HSP90AB1: variants seen among roughly 807,000 people sequenced by gnomAD.
HSP90AB1 encodes the protein heat shock protein HSP 90-beta.
A neutral mutation model predicts 67.8 loss-of-function variants in HSP90AB1; 17 were observed. That is an observed-to-expected ratio of 0.25 (90% CI 0.17 to 0.38). The LOEUF is 0.38. HSP90AB1 is among the 10% of genes least tolerant of loss of function. The pLI is 1.00. For synonymous variants in HSP90AB1, 390 were observed against 312.9 expected (o/e 1.25, Z -2.60); for missense variants, 690 against 899.9 (o/e 0.77, Z 2.98).
chr6:44,252,079 G>A lies in HSP90AB1; in HGVS notation c.1543G>A (p.Glu515Lys), dbSNP rs371199616. 2.5e-6 allele frequency: 4 copies of A among 1,614,040 alleles called. No individual in the cohort carries two copies. The highest frequency in any genetic ancestry group is 1.1e-5 in the South Asian group (1 of 91,086). Reference protein sequence around the residue: ...KRGFEVVYMTEPIDEYCVQQL... With the variant: ...KRGFEVVYMTKPIDEYCVQQL... ...GGGCTTCGAGGTGGTATATATGACC[G>A]AGCCCATTGACGAGTACTGTGTGCA... Residue 515 changes from glutamate (E) to lysine (K), a missense_variant, in exon 10 of 12, where the codon GAG (glutamate) becomes AAG (lysine). Glu to Lys is a moderately conservative substitution (Grantham distance 56). Transcript: ENST00000371646.
intron 1 of HSP90AB1, 35 bp from the exon 2 acceptor site, chr6:44,248,595 G>A: frequency 1.3e-6 from 2 of 1,591,636 alleles, no homozygotes; most frequent in Non-Finnish European, 1.7e-6. Context: ...TGGGGCCTTA[G>A]TGTTCTTTTG....
At chr6:44,248,530 T>C in intron 1 of HSP90AB1, 100 bp from the exon 2 acceptor site, 1 of 1,105,058 alleles carries the variant, frequency 9.0e-7, no homozygotes, top group African/African-American at 1.6e-5. Context: ...TAAACCAGTC[T>C]GAACTCACTG....
chr6:44,249,832 A>G lies in HSP90AB1; in HGVS notation c.512A>G (p.His171Arg), dbSNP rs1780415654. ...GGTTCCTTCACTGTGCGTGCTGACCATGGTAAGTTAGCTTTTCTGTTACAA... is the reference window on the plus strand; with the variant it reads ...GGTTCCTTCACTGTGCGTGCTGACCGTGGTAAGTTAGCTTTTCTGTTACAA... Reference protein sequence around the residue: ...AGGSFTVRADHGEPIGRGTKV... With the variant: ...AGGSFTVRADRGEPIGRGTKV... The change falls in exon 4 of 12, where the codon CAT (histidine) becomes CGT (arginine). Residue 171 changes from histidine (H) to arginine (R), a missense_variant and splice_region_variant. By Grantham distance (29) the His-to-Arg change is conservative (BLOSUM62 0). This residue lies in a region of HSP90AB1 where 146 missense variants were observed against 143.7 expected (regional missense o/e 1.02). Transcript: ENST00000371646. 2 of 1,604,044 alleles carry G rather than the reference A, an allele frequency of 1.2e-6. No individual in the cohort carries two copies. Among genetic ancestry groups the G allele is most frequent in the African/African-American group, 1.3e-5 (1 of 74,442 alleles).
chr6:44,252,137 T>G lies in HSP90AB1; in HGVS notation c.1601T>G (p.Val534Gly). 2 of 1,614,124 alleles carry G rather than the reference T, an allele frequency of 1.2e-6. No individual in the cohort carries two copies. The highest frequency in any genetic ancestry group is 1.7e-6 in the Non-Finnish European group (2 of 1,180,018). Residue 534 changes from valine (V) to glycine (G), a missense_variant, in exon 10 of 12, where the codon GTC (valine) becomes GGC (glycine). Val to Gly is a moderately radical substitution (Grantham distance 109). Transcript: ENST00000371646. ...QLKEFDGKSLVSVTKEGLELP... is the reference protein window; with the variant it reads ...QLKEFDGKSLGSVTKEGLELP... ...AAGGAATTTGATGGGAAGAGCCTGGTCTCAGTTACCAAGGAGGGTCTGGAG... is the reference window on the plus strand; with the variant it reads ...AAGGAATTTGATGGGAAGAGCCTGGGCTCAGTTACCAAGGAGGGTCTGGAG...
rs761965164 is a variant in HSP90AB1, at chr6:44,252,027, A to G, written c.1491A>G (p.Ser497=). 4.3e-6 allele frequency: 7 copies of G among 1,614,050 alleles called. No homozygotes were observed. The highest frequency in any genetic ancestry group is 3.3e-5 in the Admixed American group (2 of 59,998). ...TGESKEQVAN[S]AFVERVRKRG... ...AGAGCAAAGAGCAGGTGGCCAACTC[A>G]GCTTTTGTGGAGCGAGTGCGGAAAC... Residue 497 remains serine, a synonymous_variant, in exon 10 of 12, where the codon TCA becomes TCG. Transcript: ENST00000371646.
chr6:44,251,328 A>G lies in HSP90AB1; in HGVS notation c.1124-90A>G, dbSNP rs35712480. ...CAATACATAGTAGGTGTAAGGGTTC[A>G]GGAGGCTATTAGAGCCTTCTGTTTG... On this transcript the variant is annotated intron_variant, in intron 7 of 11. Transcript: ENST00000371646. The G allele has an allele frequency of 5.8e-3, 8,814 of 1,526,152 alleles. 365 individuals carry two copies. In the African/African-American group the frequency reaches 0.096, roughly 17 times the overall value. 94.5% of individuals were successfully genotyped at this position (1,526,152 alleles called of 1,614,324 possible).
chr6:44,249,430 T>G lies in HSP90AB1; in HGVS notation c.201T>G (p.Ser67Arg), dbSNP rs777662526. ...ESLTDPSKLD[S>R]GKELKIDIIP... ...TGACAGACCCTTCGAAGTTGGACAG[T>G]GGTAAAGAGCTGAAAATTGACATCA... The change falls in exon 3 of 12, where the codon AGT (serine) becomes AGG (arginine). Residue 67 changes from serine to arginine, a missense_variant. Physicochemically the swap from Ser to Arg is moderately radical, Grantham distance 110. Around this residue, in one of 7 missense-constraint regions of HSP90AB1, gnomAD observed 88 missense variants for 167.7 expected, o/e 0.52. Coordinates refer to ENST00000371646, the MANE Select transcript of HSP90AB1 (RefSeq NM_007355.4). 2 of 1,613,920 alleles carry G rather than the reference T, an allele frequency of 1.2e-6. No homozygotes were observed. Among genetic ancestry groups the G allele is most frequent in the South Asian group, 2.2e-5 (2 of 91,074 alleles).
intron 6 of HSP90AB1, 131 bp downstream of exon 6, chr6:44,250,730 C>T (rs1048365435): frequency 2.3e-5 from 15 of 649,764 alleles, no homozygotes; most frequent in Non-Finnish European, 3.9e-5. Flanking sequence ...CATGTGATTT[C>T]ACTTACTGAT....
Position 44,249,598 on chromosome 6 carries a change from T to G in HSP90AB1, c.354+15T>G, listed in dbSNP as rs780853856. ...AGGCTCTTCAGGTATTGCAGTTCTG[T>G]AGGCATTCATACTTATCTGTGTTCT... On this transcript the variant is annotated intron_variant, in intron 3 of 11. Coordinates refer to ENST00000371646, the MANE Select transcript of HSP90AB1 (RefSeq NM_007355.4). 1 of 1,612,978 alleles carries G rather than the reference T, an allele frequency of 6.2e-7. No individual in the cohort carries two copies. Among genetic ancestry groups the G allele is most frequent in the Non-Finnish European group, 8.5e-7 (1 of 1,178,978 alleles).
At position 44,251,788 on chromosome 6, in the gene HSP90AB1, C is replaced by G; in HGVS notation, c.1366C>G (p.Arg456Gly). The change falls in exon 9 of 12, where the codon CGC (arginine) becomes GGC (glycine). Residue 456 changes from arginine to glycine, a missense_variant. Arg to Gly is a moderately radical substitution (Grantham distance 125). Transcript: ENST00000371646. ...TNRRRLSELL[R>G]YHTSQSGDEM... ...CCGCCGCCGCCTGTCTGAGCTGCTGCGCTATCATACCTCCCAGTCTGGAGA... is the reference window on the plus strand; with the variant it reads ...CCGCCGCCGCCTGTCTGAGCTGCTGGGCTATCATACCTCCCAGTCTGGAGA... The G allele has an allele frequency of 6.2e-7, 1 of 1,613,410 alleles. No homozygotes were observed. Among genetic ancestry groups the G allele is most frequent in the Non-Finnish European group, 8.5e-7 (1 of 1,180,024 alleles).
chr6:44,251,018 A>C (rs1780580218), intron 6 of HSP90AB1, 30 bp from the exon 7 acceptor site: 2 of 1,606,682 alleles, frequency 1.2e-6, no homozygotes, highest in Admixed American at 1.7e-5. Flanking sequence ...CCTCTTTTGA[A>C]ATGTACCACT....
At position 44,252,249 on chromosome 6, in the gene HSP90AB1, A is replaced by C; in HGVS notation, c.1713A>C (p.Leu571Phe). ...ENLCKLMKEI[L>F]DKKVEKVTIS... is the part of the protein sequence containing the mutation. ...TCTGCAAGCTCATGAAAGAAATCTT[A>C]GATAAGAAGGTTGAGAAGGTAAGCC... The change falls in exon 10 of 12, where the codon TTA becomes TTC. Residue 571 changes from leucine to phenylalanine, a missense_variant. Around this residue, in one of 7 missense-constraint regions of HSP90AB1, gnomAD observed 206 missense variants for 221.4 expected, o/e 0.93. Transcript: ENST00000371646. The C allele has an allele frequency of 6.2e-7, 1 of 1,613,878 alleles. No homozygotes were observed. The highest frequency in any genetic ancestry group is 8.5e-7 in the Non-Finnish European group (1 of 1,179,986).
rs779762146 is a variant in HSP90AB1 at position 44,251,164 on chromosome 6, CCGT to C, written c.1075_1077del (p.Arg359del). On this transcript the variant is annotated inframe_deletion, in exon 7 of 12. Transcript: ENST00000371646. ...AGAACAACATCAAACTCTATGTCCGCCGTGTGTTCATCATGGACAGCTGTGATG... is the reference window on the plus strand; with the variant it reads ...AGAACAACATCAAACTCTATGTCCGCGTGTTCATCATGGACAGCTGTGATG... 1 of 1,614,180 alleles carries C rather than the reference CCGT, an allele frequency of 6.2e-7. No individual in the cohort carries two copies. Among genetic ancestry groups the C allele is most frequent in the Admixed American group, 1.7e-5 (1 of 60,018 alleles).
chr6:44,250,963 A>ATCCC, intron 6 of HSP90AB1, 85 bp from the exon 7 acceptor site: 1 of 1,204,498 alleles, frequency 8.3e-7, no homozygotes, highest in Non-Finnish European at 1.2e-6. Flanking sequence ...CTTAGGGAGG[A>ATCCC]TCATTGTTCC....
chr6:44,252,858 G>A lies in HSP90AB1; in HGVS notation c.1732-187G>A, dbSNP rs555499895. On this transcript the variant is annotated intron_variant, in intron 10 of 11. Coordinates refer to ENST00000371646, the MANE Select transcript of HSP90AB1 (RefSeq NM_007355.4). ...CAAACTCAAGTCTCCTGAGTGGCTG[G>A]GATTACAGATGTGTGCTACCACACC... Among the ~76,000 whole-genome samples, 6 of 152,064 alleles carry A rather than the reference G, an allele frequency of 3.9e-5. No homozygotes were observed. In the East Asian group the frequency reaches 7.7e-4, roughly 20 times the overall value.
At position 44,253,349 on chromosome 6, in the gene HSP90AB1, G is replaced by C. The variant is rs199811663; in HGVS notation, c.2036G>C (p.Arg679Pro). 6.2e-7 allele frequency: 1 copy of C among 1,614,090 alleles called. No homozygotes were observed. The highest frequency in any genetic ancestry group is 8.5e-7 in the Non-Finnish European group (1 of 1,179,988). ...GAGGATCCCCAGACCCACTCCAACC[G>C]CATCTATCGCATGATCAAGCTAGGT... ...SLEDPQTHSN[R>P]IYRMIKLGLG... Residue 679 changes from arginine to proline, a missense_variant, in exon 11 of 12, where the codon CGC becomes CCC. Arg to Pro is a moderately radical substitution (Grantham distance 103, BLOSUM62 -2). This residue lies in a region of HSP90AB1 where 120 missense variants were observed against 153.5 expected (regional missense o/e 0.78). Transcript: ENST00000371646.
intron 10 of HSP90AB1, among the ~76,000 whole-genome samples, chr6:44,252,700 G>A (rs771078720): frequency 1.1e-4 from 16 of 151,770 alleles, no homozygotes; most frequent in South Asian, 4.2e-4. Context: ...GTTTCATCGC[G>A]TTAGCCAGGA....
chr6:44,253,674 CCT>C lies in HSP90AB1; in HGVS notation c.*77_*78del, dbSNP rs1430917000. On this transcript the variant is annotated 3_prime_UTR_variant, in exon 12 of 12. Coordinates refer to ENST00000371646, the MANE Select transcript of HSP90AB1 (RefSeq NM_007355.4). The stretch of plus-strand genomic sequence containing the variant: ...GGCTCCCACTGCAGCCTCGAGTGCC[CCT>C]GTCCCACCTGGCTCCCCCTGCTGGT... The C allele has an allele frequency of 1.8e-5, 19 of 1,037,392 alleles. No individual in the cohort carries two copies. The highest frequency in any genetic ancestry group is 2.6e-5 in the Non-Finnish European group (17 of 653,486). 64.3% of individuals were successfully genotyped at this position (1,037,392 alleles called of 1,614,324 possible). A position where few individuals can be genotyped will look rare whatever the true frequency, so the allele number is the denominator to read the frequency against.
intron 1 of HSP90AB1, chr6:44,247,808 CCCTT>C (rs1780118663): frequency 6.6e-6 from 1 of 152,242 alleles, no homozygotes; most frequent in African/African-American, 2.4e-5. Context: ...CCTTCCTCCG[CCCTT>C]CCTCGAGAGC....
Sources: allele counts gnomAD v4.1 joint callset (sites outside exome capture counted in the v4.1 genomes callset), GRCh38; gene constraint gnomAD v4.1.1; regional missense constraint gnomAD v4.1.1; transcripts MANE v1.5; gene names NCBI Gene and HGNC (gene_info 2026-07-23, HGNC 2026-07-21).